WDR27: variants seen among roughly 807,000 people sequenced by gnomAD.
WDR27 encodes WD repeat domain 27, also known as WD repeat-containing protein 27.
In WDR27, 100 loss-of-function variants were observed where a neutral mutation model predicts 114.4. The observed-to-expected ratio is 0.87, with a 90% CI of 0.74 to 1.03. WDR27 has a LOEUF of 1.03. WDR27 is among the 50% of genes least tolerant of loss of function. The probability of loss-of-function intolerance (pLI) is 0.00; values close to 1 mark genes in which losing one functional copy is unlikely to be tolerated. For missense variants in WDR27, 1,129 were observed against 1,092.9 expected (o/e 1.03, Z -0.47); for synonymous variants, 449 against 423.1 (o/e 1.06, Z -0.75).
chr6:169,513,059 G>A (rs1196814372), intron 25 of WDR27, among the ~76,000 whole-genome samples: 8 of 152,196 alleles, frequency 5.3e-5, no homozygotes, highest in Non-Finnish European at 1.2e-4. Flanking sequence ...CTCAAACTTA[G>A]TGGTTTAAAA....
the WDR27 span, among the ~76,000 whole-genome samples, chr6:169,428,852 A>T: frequency 6.6e-6 from 1 of 152,134 alleles, no homozygotes; most frequent in African/African-American, 2.4e-5. Context: ...TCTTCCCGTG[A>T]AGGAAGTCTT....
intron 25 of WDR27, among the ~76,000 whole-genome samples, chr6:169,514,430 G>A (rs1793349827): frequency 6.7e-6 from 1 of 148,612 alleles, no homozygotes; most frequent in South Asian, 2.1e-4. Flanking sequence ...TCTTGGAAAT[G>A]TAATAAACTA....
chr6:169,436,499 T>C, the WDR27 span, among the ~76,000 whole-genome samples: 3 of 152,056 alleles, frequency 2.0e-5, no homozygotes, highest in Non-Finnish European at 4.4e-5. Flanking sequence ...TTAAGAGTCT[T>C]ACTTAGATGA....
At chr6:169,533,660 C>A (rs1305449579) in intron 25 of WDR27, among the ~76,000 whole-genome samples, 3 of 152,174 alleles carry the variant, frequency 2.0e-5, no homozygotes, top group African/African-American at 7.2e-5. Context: ...CAGGCAGAGC[C>A]CCCAAGGAAG....
chr6:169,448,354 T>C, the WDR27 span, among the ~76,000 whole-genome samples: 5 of 149,750 alleles, frequency 3.3e-5, no homozygotes, highest in Non-Finnish European at 5.9e-5. Flanking sequence ...GTTGTTGATT[T>C]TCTCTCTCTC....
chr6:169,525,628 TAATACACTGTTGTTAAGAATATA>T (rs1451595469), intron 25 of WDR27, among the ~76,000 whole-genome samples: 1 of 151,772 alleles, frequency 6.6e-6, no homozygotes, highest in East Asian at 1.9e-4. Context: ...AGAGGAACCC[TAATACACTGTTGTTAAGAATATA>T]AATTGGCACA....
intron 24 of WDR27, among the ~76,000 whole-genome samples, chr6:169,581,414 G>A (rs1803400043): frequency 1.3e-5 from 2 of 151,964 alleles, no homozygotes; most frequent in Non-Finnish European, 2.9e-5. Context: ...GCTATTCAAA[G>A]GATTATAAAA....
intron 7 of WDR27, chr6:169,664,679 A>AG (rs1827285758): frequency 2.0e-6 from 2 of 1,023,624 alleles, no homozygotes; most frequent in South Asian, 4.4e-5. Flanking sequence ...TCAAAAGGAA[A>AG]AAAAAAATCT....
At chr6:169,612,390 A>T (rs1224608548) in intron 22 of WDR27, among the ~76,000 whole-genome samples, 1 of 152,096 alleles carries the variant, frequency 6.6e-6, no homozygotes, top group Non-Finnish European at 1.5e-5. Flanking sequence ...ACTGCACTCC[A>T]GCACTCCAGC....
chr6:169,473,668 A>G (rs1490442354), intron 25 of WDR27, among the ~76,000 whole-genome samples: 1 of 152,186 alleles, frequency 6.6e-6, no homozygotes, highest in African/African-American at 2.4e-5. Context: ...CTAAAGAAAA[A>G]AAAAACAGAT....
chr6:169,461,041 A>C (rs1303809278), intron 25 of WDR27, among the ~76,000 whole-genome samples: 1 of 152,190 alleles, frequency 6.6e-6, no homozygotes, highest in Non-Finnish European at 1.5e-5. Flanking sequence ...ATAGGACATT[A>C]CAGATTAATA....
intron 17 of WDR27, among the ~76,000 whole-genome samples, chr6:169,640,612 C>T (rs1225710001): frequency 2.6e-5 from 4 of 152,252 alleles, no homozygotes; most frequent in African/African-American, 4.8e-5. Context: ...CGAACACCAG[C>T]GGTGTCCGCA....
At chr6:169,546,624 G>A (rs917575853) in intron 25 of WDR27, among the ~76,000 whole-genome samples, 3 of 152,112 alleles carry the variant, frequency 2.0e-5, no homozygotes, top group African/African-American at 7.2e-5. Context: ...ATGAGAAATA[G>A]GGCACAAATC....
intron 25 of WDR27, among the ~76,000 whole-genome samples, chr6:169,561,649 A>AAAG (rs57805093): frequency 0.016 from 2,462 of 152,300 alleles, 61 homozygotes; most frequent in African/African-American, 0.057. Context: ...ACAAAAATAA[A>AAAG]AAAACAAAGA....
chr6:169,624,965 C>T (rs1584688556), intron 21 of WDR27, among the ~76,000 whole-genome samples: 2 of 152,224 alleles, frequency 1.3e-5, no homozygotes, highest in African/African-American at 2.4e-5. Context: ...CCCTCACCCT[C>T]GGGGCCCGGC....
At chr6:169,480,435 C>T (rs1020455944) in intron 25 of WDR27, among the ~76,000 whole-genome samples, 5 of 152,254 alleles carry the variant, frequency 3.3e-5, no homozygotes, top group African/African-American at 1.2e-4. Context: ...AGGCGTGCAG[C>T]GTGGGACTGG....
At position 169,679,845 on chromosome 6, in the gene WDR27, T is replaced by C. The variant is rs913668927; in HGVS notation, c.190-7449A>G. 3.9e-5 allele frequency among the ~76,000 whole-genome samples: 6 copies of C among 152,244 alleles called. No homozygotes were observed. In the East Asian group the frequency reaches 9.6e-4, roughly 24 times the overall value. On this transcript the variant is annotated intron_variant, in intron 2 of 25. Transcript: ENST00000448612. ...GCCTAATACATGCAAGAATGAGAAA[T>C]ATGAAGAAAAATACACCAAAACATA...
chr6:169,498,294 G>A (rs901089741), intron 25 of WDR27, among the ~76,000 whole-genome samples: 3 of 152,086 alleles, frequency 2.0e-5, no homozygotes, highest in Admixed American at 6.5e-5. Context: ...TGTGGGGAGC[G>A]AGGAATGGGG....
intron 25 of WDR27, among the ~76,000 whole-genome samples, chr6:169,523,151 A>G (rs1794588826): frequency 6.6e-6 from 1 of 152,118 alleles, no homozygotes; most frequent in African/African-American, 2.4e-5. Flanking sequence ...ATTAGAGACT[A>G]TTATGAACAA....
Sources: allele counts gnomAD v4.1 joint callset (sites outside exome capture counted in the v4.1 genomes callset), GRCh38; gene constraint gnomAD v4.1.1; transcripts MANE v1.5; gene names NCBI Gene and HGNC (gene_info 2026-07-23, HGNC 2026-07-21).